The following RMDN2 variants were observed in gnomAD, a reference collection of about 807,000 sequenced individuals.
The protein encoded by RMDN2 is regulator of microtubule dynamics 2, also known as regulator of microtubule dynamics protein 2.
RMDN2 carries 61 observed loss-of-function variants against 52.8 expected under a neutral mutation model. The observed-to-expected ratio is 1.16, with a 90% confidence interval of 0.94 to 1.43. The LOEUF is 1.43. Among genes scored for constraint, RMDN2 ranks in the 40% most tolerant of loss-of-function variants. The pLI is 0.00. For synonymous variants in RMDN2, 180 were observed against 153.1 expected, an observed-to-expected ratio of 1.18 and a Z score of -1.30; for missense variants, 592 against 475.3, an observed-to-expected ratio of 1.25 and a Z score of -2.28.
chr2:38,034,627 A>T (rs1426709398), intron 10 of RMDN2, among the ~76,000 whole-genome samples: 1 of 151,748 alleles, frequency 6.6e-6, no homozygotes, highest in African/African-American at 2.4e-5. Context: ...TTAAAAATTT[A>T]TTATAATCCT....
chr2:38,066,843 T>A (rs1177721270), intron 10 of RMDN2: 1 of 692,096 alleles, frequency 1.4e-6, no homozygotes, highest in Non-Finnish European at 2.6e-6. Context: ...CCTACTGTCA[T>A]ACATCTGGAA....
At chr2:37,956,818 C>G (rs1003146310) in intron 2 of RMDN2, among the ~76,000 whole-genome samples, 2 of 152,010 alleles carry the variant, frequency 1.3e-5, no homozygotes, top group Non-Finnish European at 2.9e-5. Context: ...CTCCCCACCC[C>G]CAACAGCCCA....
chr2:37,966,042 C>A (rs564461346), intron 2 of RMDN2, among the ~76,000 whole-genome samples: 1 of 152,068 alleles, frequency 6.6e-6, no homozygotes, highest in East Asian at 1.9e-4. Flanking sequence ...TTTTGAGATT[C>A]TTTTTGTCTT....
intron 5 of RMDN2, among the ~76,000 whole-genome samples, chr2:37,988,193 TAAAAG>T (rs1291484714): frequency 1.3e-5 from 2 of 152,324 alleles, no homozygotes; most frequent in Non-Finnish European, 2.9e-5. Flanking sequence ...ATTTTTTAAA[TAAAAG>T]AACATAGGCC....
chr2:37,981,260 G>C, intron 4 of RMDN2, 23 bp from the exon 5 acceptor site: 1 of 1,410,902 alleles, frequency 7.1e-7, no homozygotes. Flanking sequence ...AAGGTATTAA[G>C]TGTAAGTACT....
chr2:37,940,126 C>T (rs1225565125), intron 2 of RMDN2, among the ~76,000 whole-genome samples: 9 of 152,168 alleles, frequency 5.9e-5, no homozygotes, highest in African/African-American at 1.9e-4. Context: ...GGTTTTATTT[C>T]TTCTTCACTT....
chr2:38,031,226 G>T (rs540202918), intron 10 of RMDN2, among the ~76,000 whole-genome samples: 2 of 149,636 alleles, frequency 1.3e-5, no homozygotes, highest in African/African-American at 4.9e-5. Flanking sequence ...TTCTCCACAA[G>T]AGAGTTGCTC....
chr2:37,968,739 T>A (rs1671413006), intron 2 of RMDN2, among the ~76,000 whole-genome samples: 1 of 152,164 alleles, frequency 6.6e-6, no homozygotes, highest in Non-Finnish European at 1.5e-5. Context: ...GTAGAACAAA[T>A]GTTTGTAAGC....
chr2:37,921,597 G>A (rs1666033200), upstream of RMDN2, among the ~76,000 whole-genome samples: 1 of 152,166 alleles, frequency 6.6e-6, no homozygotes, highest in Non-Finnish European at 1.5e-5. Context: ...ACTGAAGTGG[G>A]GGATACAAAT....
At chr2:38,019,384 A>C (rs985632771), downstream of RMDN2, among the ~76,000 whole-genome samples, 2 of 152,196 alleles carry the variant, frequency 1.3e-5, no homozygotes, top group African/African-American at 4.8e-5. Flanking sequence ...TAACAAAATT[A>C]TTGTTTCTCA....
At chr2:37,940,437 A>C (rs1329168461) in intron 2 of RMDN2, among the ~76,000 whole-genome samples, 1 of 151,988 alleles carries the variant, frequency 6.6e-6, no homozygotes, top group Non-Finnish European at 1.5e-5. Context: ...CTGTCTTGCT[A>C]TGTTGGGGAA....
intron 10 of RMDN2, among the ~76,000 whole-genome samples, chr2:38,023,260 G>A (rs927642434): frequency 3.3e-5 from 5 of 152,098 alleles, no homozygotes; most frequent in African/African-American, 9.7e-5. Flanking sequence ...GTACAATCCT[G>A]CCAGCAAATG....
intron 10 of RMDN2, among the ~76,000 whole-genome samples, chr2:38,054,059 C>A (rs1355818379): frequency 1.3e-5 from 2 of 152,180 alleles, no homozygotes; most frequent in Non-Finnish European, 1.5e-5. Flanking sequence ...CACCTCATTC[C>A]TATGAACTAT....
intron 2 of RMDN2, among the ~76,000 whole-genome samples, chr2:37,932,061 TTTTA>T (rs574845381): frequency 2.6e-5 from 4 of 152,070 alleles, no homozygotes; most frequent in South Asian, 4.1e-4. Context: ...TATTTATTTA[TTTTA>T]TTTATTTATT....
rs192725044 is a variant in RMDN2, at chr2:37,940,288, G to T, written c.452+10559G>T. On this transcript the variant is annotated intron_variant, in intron 2 of 10. Coordinates refer to ENST00000354545, the MANE Select transcript of RMDN2 (RefSeq NM_001170791.3). Reference sequence around the variant, plus strand: ...CTGGGCTTCCCTTTGTGGGTAACTCGACCTTTCTCTCTGGCTGTCCTTAAT... The same window carrying T: ...CTGGGCTTCCCTTTGTGGGTAACTCTACCTTTCTCTCTGGCTGTCCTTAAT... Among the ~76,000 whole-genome samples, 7 of 152,262 alleles carry T rather than the reference G, an allele frequency of 4.6e-5. No individual in the cohort carries two copies. The East Asian group carries it at 1.4e-3, about 29-fold the overall frequency.
intron 4 of RMDN2, among the ~76,000 whole-genome samples, chr2:37,978,397 G>A (rs573254210): frequency 7.9e-5 from 12 of 152,258 alleles, no homozygotes; most frequent in Admixed American, 3.3e-4. Context: ...TGGGTATTAT[G>A]TACTAAGGTA....
chr2:37,971,570 T>A (rs1671812946), intron 2 of RMDN2, among the ~76,000 whole-genome samples: 1 of 152,158 alleles, frequency 6.6e-6, no homozygotes. Flanking sequence ...AGTTTCAATT[T>A]CATCTTTTTC....
intron 10 of RMDN2, among the ~76,000 whole-genome samples, chr2:38,049,320 G>T (rs1681454536): frequency 6.6e-6 from 1 of 152,160 alleles, no homozygotes; most frequent in East Asian, 1.9e-4. Flanking sequence ...AGCATGATCA[G>T]CAAAGCTCTC....
In RMDN2 at chr2:38,059,881, G is replaced by T. The variant is rs1218166138; in HGVS notation, c.1714-7101G>T. ...TGTGTGTGGTTTTTTGTTGTCGTTG[G>T]TTTTTTTTGTTTTTGTTTTTGTTTT... On this transcript the variant is annotated intron_variant, in intron 10 of 10. Transcript: ENST00000234195. Among the ~76,000 whole-genome samples, 22 of 151,420 alleles carry T rather than the reference G, an allele frequency of 1.5e-4. No homozygotes were observed. In the South Asian group the frequency reaches 1.5e-3, roughly 10 times the overall value.
Sources: allele counts gnomAD v4.1 joint callset (sites outside exome capture counted in the v4.1 genomes callset), GRCh38; gene constraint gnomAD v4.1.1; transcripts MANE v1.5; gene names NCBI Gene and HGNC (gene_info 2026-07-23, HGNC 2026-07-21).